KHDRBS2: variants seen among roughly 807,000 people sequenced by gnomAD.
KHDRBS2 encodes the protein KH domain-containing, RNA-binding, signal transduction-associated protein 2.
Under a neutral mutation model 44.3 loss-of-function variants are expected in KHDRBS2, and 26 were observed. The ratio of observed to expected loss-of-function variants is 0.59; its 90% CI spans 0.43 to 0.81. KHDRBS2 has a LOEUF of 0.81. Among genes scored for constraint, KHDRBS2 ranks in the 40% least tolerant of loss-of-function variants. The pLI, the probability that KHDRBS2 is intolerant of heterozygous loss-of-function variation, is 0.00. For missense variants in KHDRBS2, 476 were observed against 433.1 expected, an observed-to-expected ratio of 1.10 and a Z score of -0.88; for synonymous variants, 194 against 151.1, an observed-to-expected ratio of 1.28 and a Z score of -2.08.
the KHDRBS2 span, among the ~76,000 whole-genome samples, chr6:61,549,370 T>G: frequency 6.6e-6 from 1 of 152,212 alleles, no homozygotes; most frequent in Non-Finnish European, 1.5e-5. Context: ...GAACATTTAT[T>G]TATATGATTA....
the KHDRBS2 span, among the ~76,000 whole-genome samples, chr6:61,555,866 C>CCCA: frequency 1.3e-5 from 2 of 152,160 alleles, no homozygotes; most frequent in Non-Finnish European, 2.9e-5. Flanking sequence ...TCTTCTCTGG[C>CCCA]CCACTGAGGT....
chr6:61,721,278 A>C (rs1772477902), intron 7 of KHDRBS2, among the ~76,000 whole-genome samples: 1 of 152,076 alleles, frequency 6.6e-6, no homozygotes, highest in Non-Finnish European at 1.5e-5. Flanking sequence ...TTTTGGTTCC[A>C]TATGAACTTT....
intron 1 of KHDRBS2, among the ~76,000 whole-genome samples, chr6:62,230,787 C>T (rs949233272): frequency 6.6e-6 from 1 of 152,162 alleles, no homozygotes; most frequent in African/African-American, 2.4e-5. Context: ...TCAGACTATG[C>T]TGCTACTATC....
At chr6:61,830,809 T>G (rs2127261782) in intron 6 of KHDRBS2, among the ~76,000 whole-genome samples, 1 of 152,328 alleles carries the variant, frequency 6.6e-6, no homozygotes, top group South Asian at 2.1e-4. Flanking sequence ...ACTGTAAAGC[T>G]TGCTATTAGT....
At chr6:61,745,060 T>A (rs1776671869) in intron 6 of KHDRBS2, among the ~76,000 whole-genome samples, 1 of 152,164 alleles carries the variant, frequency 6.6e-6, no homozygotes. Context: ...TAGGTGACTC[T>A]TAATCATGAA....
intron 2 of KHDRBS2, among the ~76,000 whole-genome samples, chr6:62,078,782 T>A (rs1164679425): frequency 3.9e-5 from 6 of 152,050 alleles, no homozygotes; most frequent in African/African-American, 1.4e-4. Context: ...ACTTCCATGA[T>A]GTTAAAAGGT....
chr6:62,108,113 G>C (rs1288645808), intron 2 of KHDRBS2, among the ~76,000 whole-genome samples: 8 of 152,080 alleles, frequency 5.3e-5, no homozygotes, highest in Admixed American at 4.6e-4. Flanking sequence ...TTAAACTAAA[G>C]AGCTTCTGCA....
At chr6:61,643,548 C>T in the KHDRBS2 span, among the ~76,000 whole-genome samples, 1 of 152,180 alleles carries the variant, frequency 6.6e-6, no homozygotes, top group Non-Finnish European at 1.5e-5. Context: ...ATAATTCTAC[C>T]TCCAGAAAGC....
intron 6 of KHDRBS2, among the ~76,000 whole-genome samples, chr6:61,767,971 T>C (rs1780253073): frequency 6.6e-6 from 1 of 152,090 alleles, no homozygotes. Context: ...TACCCAAGAG[T>C]TTTGTATCTT....
chr6:61,813,702 G>A (rs1322217275), intron 6 of KHDRBS2, among the ~76,000 whole-genome samples: 2 of 152,110 alleles, frequency 1.3e-5, no homozygotes, highest in South Asian at 4.1e-4. Context: ...TCCCTGCTCA[G>A]TTCTACTAGC....
At chr6:61,962,072 C>G (rs1311439189) in intron 4 of KHDRBS2, among the ~76,000 whole-genome samples, 2 of 151,970 alleles carry the variant, frequency 1.3e-5, no homozygotes, top group Non-Finnish European at 2.9e-5. Context: ...AATTGATGCT[C>G]TAAAGGCAAG....
chr6:62,142,521 A>G (rs575328421), intron 2 of KHDRBS2, among the ~76,000 whole-genome samples: 2 of 152,030 alleles, frequency 1.3e-5, no homozygotes, highest in South Asian at 4.1e-4. Context: ...CTTTCCATCT[A>G]AAACTGTTAT....
intron 4 of KHDRBS2, among the ~76,000 whole-genome samples, chr6:61,921,774 T>A (rs538303509): frequency 2.0e-5 from 3 of 152,142 alleles, no homozygotes; most frequent in Non-Finnish European, 2.9e-5. Flanking sequence ...GCCACTATAA[T>A]TCTATGATTA....
chr6:62,281,778 C>A (rs1408731949), intron 1 of KHDRBS2, among the ~76,000 whole-genome samples: 5 of 151,936 alleles, frequency 3.3e-5, no homozygotes, highest in African/African-American at 1.2e-4. Context: ...GATGAAGAAA[C>A]TGAGTATCAG....
chr6:62,169,132 T>C (rs1355800081), intron 2 of KHDRBS2, among the ~76,000 whole-genome samples: 4 of 127,192 alleles, frequency 3.1e-5, no homozygotes, highest in Admixed American at 1.6e-4. Flanking sequence ...TATATACATA[T>C]ACACACATAT....
rs1004163143 is a variant in KHDRBS2, at chr6:62,160,523, C to A, written c.219+16662G>T. ...GTTAGCTCTTGTAGGTAATTGCAAA[C>A]CCCTGTCTTTTACTTTGAGTAAAAT... On this transcript the variant is annotated intron_variant, in intron 2 of 8. Transcript: ENST00000281156. Among the ~76,000 whole-genome samples, 5 of 152,062 alleles carry A rather than the reference C, an allele frequency of 3.3e-5. No homozygotes were observed. The South Asian group carries it at 8.3e-4, about 25-fold the overall frequency.
chr6:61,606,309 G>A, the KHDRBS2 span, among the ~76,000 whole-genome samples: 1 of 152,148 alleles, frequency 6.6e-6, no homozygotes, highest in Non-Finnish European at 1.5e-5. Context: ...GACTTGTCAG[G>A]TCCAGTGTTC....
intron 6 of KHDRBS2, among the ~76,000 whole-genome samples, chr6:61,760,478 C>T (rs1779113427): frequency 6.6e-6 from 1 of 151,712 alleles, no homozygotes; most frequent in Non-Finnish European, 1.5e-5. Flanking sequence ...ACAAAAAATA[C>T]AAAAACTAGC....
intron 1 of KHDRBS2, among the ~76,000 whole-genome samples, chr6:62,261,357 A>G (rs1052058549): frequency 6.6e-6 from 1 of 151,850 alleles, no homozygotes; most frequent in African/African-American, 2.4e-5. Context: ...CAGTATCATT[A>G]GCAGTGTTTT....
Sources: allele counts gnomAD v4.1 joint callset (sites outside exome capture counted in the v4.1 genomes callset), GRCh38; gene constraint gnomAD v4.1.1; transcripts MANE v1.5; gene names NCBI Gene and HGNC (gene_info 2026-07-23, HGNC 2026-07-21).